The following AFG3L2 variants were observed in gnomAD, a reference collection of about 807,000 sequenced individuals.
AFG3L2 encodes AFG3 like matrix AAA peptidase subunit 2.
AFG3L2 carries 54 observed loss-of-function variants against 94.5 expected under a neutral mutation model. The observed-to-expected ratio is 0.57, with a 90% CI of 0.46 to 0.72. AFG3L2 has a LOEUF of 0.72. AFG3L2 is among the 30% of genes least tolerant of loss of function. The pLI is 0.00. For missense variants in AFG3L2, 754 were observed against 994.9 expected, an observed-to-expected ratio of 0.76 and a Z score of 3.26; for synonymous variants, 377 against 365.5, an observed-to-expected ratio of 1.03 and a Z score of -0.36.
At chr18:12,352,648 A>T (rs574024758) in intron 10 of AFG3L2, among the ~76,000 whole-genome samples, 4 of 152,362 alleles carry the variant, frequency 2.6e-5, no homozygotes, top group Middle Eastern at 6.8e-3. Flanking sequence ...CACCAGACAC[A>T]AACAGCATGT....
At chr18:12,370,205 C>T (rs72875309) in intron 3 of AFG3L2, among the ~76,000 whole-genome samples, 5,537 of 152,172 alleles carry the variant, frequency 0.036, 190 homozygotes, top group East Asian at 0.15. Context: ...AAACACTGCC[C>T]TAAACACAAT....
At position 12,340,459 on chromosome 18, in the gene AFG3L2, ATC is replaced by A; in HGVS notation, c.1780-60_1780-59del. ...CTACAGATGAAGACTTGATCAAAACATCTGTGTATAAACAGATAAACTCATTG... is the reference window on the plus strand; with the variant it reads ...CTACAGATGAAGACTTGATCAAAACATGTGTATAAACAGATAAACTCATTG... On this transcript the variant is annotated intron_variant, in intron 14 of 16. Coordinates refer to ENST00000269143, the MANE Select transcript of AFG3L2 (RefSeq NM_006796.3). The A allele has an allele frequency of 2.3e-6, 3 of 1,330,612 alleles. 1 individual carries two copies. The highest frequency in any genetic ancestry group is 2.4e-5 in the South Asian group (2 of 84,886). The allele number at this position is 1,330,612 out of a possible 1,614,324, so 82.4% of individuals were successfully genotyped here.
chr18:12,351,065 C>G lies in AFG3L2; in HGVS notation c.1552+20G>C. 1 of 1,612,138 alleles carries G rather than the reference C, an allele frequency of 6.2e-7. No individual in the cohort carries two copies. Among genetic ancestry groups the G allele is most frequent in the South Asian group, 1.1e-5 (1 of 90,958 alleles). On this transcript the variant is annotated intron_variant, in intron 12 of 16. Transcript: ENST00000269143. The stretch of plus-strand genomic sequence containing the variant: ...ATTTTAATATGCTTCTAAATAGGGT[C>G]CTCGTTATTTTCCACTCACCTGAAA...
chr18:12,339,848 CAAAAAAA>C (rs55881327), intron 15 of AFG3L2, among the ~76,000 whole-genome samples: 1 of 79,226 alleles, frequency 1.3e-5, no homozygotes, highest in African/African-American at 4.8e-5. Context: ...GGCTCAGTCT[CAAAAAAA>C]AAAAAAAAAA....
chr18:12,331,419 C>T (rs1190440824), intron 16 of AFG3L2, among the ~76,000 whole-genome samples: 1 of 152,222 alleles, frequency 6.6e-6, no homozygotes, highest in Non-Finnish European at 1.5e-5. Context: ...ACTTCTAATT[C>T]TGAGGGCTGC....
At chr18:12,353,198 A>G in intron 9 of AFG3L2, 40 bp from the exon 10 acceptor site, 2 of 1,610,044 alleles carry the variant, frequency 1.2e-6, no homozygotes, top group Non-Finnish European at 1.7e-6. Context: ...ACCAGAGAAT[A>G]TTATGTATTC....
intron 16 of AFG3L2, chr18:12,337,050 T>C (rs1907764706): frequency 8.5e-6 from 5 of 591,662 alleles, no homozygotes; most frequent in South Asian, 2.1e-5. Context: ...GTGAACTATC[T>C]GGTGAGGGAG....
intron 1 of AFG3L2, among the ~76,000 whole-genome samples, chr18:12,375,875 G>A (rs1402436698): frequency 4.6e-5 from 7 of 150,858 alleles, no homozygotes; most frequent in African/African-American, 1.7e-4. Flanking sequence ...TGTAGTCCCA[G>A]ATACTCCGGA....
rs765507936 is a variant in AFG3L2, at chr18:12,363,782, C to T, written c.627G>A (p.Gly209=). ...TFTPGKTPVD[G]QYVWFNIGSV... is the part of the protein sequence containing the mutation. ...CACATCAATTAATAAAATGATTTAC[C>T]CCATCAACAGGAGTTTTTCCTGGTG... Residue 209 remains glycine, a splice_region_variant and synonymous_variant, in exon 6 of 17, where the codon GGG becomes GGA. Coordinates refer to ENST00000269143, the MANE Select transcript of AFG3L2 (RefSeq NM_006796.3). 1.2e-6 allele frequency: 2 copies of T among 1,610,020 alleles called. No homozygotes were observed. The highest frequency in any genetic ancestry group is 8.5e-7 in the Non-Finnish European group (1 of 1,177,504).
At chr18:12,346,614 T>C (rs925391154) in intron 13 of AFG3L2, among the ~76,000 whole-genome samples, 1 of 152,044 alleles carries the variant, frequency 6.6e-6, no homozygotes, top group Non-Finnish European at 1.5e-5. Context: ...TAAAATACCA[T>C]CGATCATTAT....
At chr18:12,331,804 AATAAATATATATATATAT>A (rs1907534191) in intron 16 of AFG3L2, among the ~76,000 whole-genome samples, 2 of 72,910 alleles carry the variant, frequency 2.7e-5, no homozygotes. Context: ...AAAGTAAATA[AATAAATATATATATATAT>A]ATATATATAT....
intron 6 of AFG3L2, among the ~76,000 whole-genome samples, chr18:12,361,449 T>C (rs8098572): frequency 0.99 from 150,315 of 152,284 alleles, 74,210 homozygotes; most frequent in East Asian, 1. Flanking sequence ...GAGCTCAAGA[T>C]GAGCCTGGTC....
At chr18:12,368,232 A>G (rs1010504420) in intron 3 of AFG3L2, among the ~76,000 whole-genome samples, 1 of 150,872 alleles carries the variant, frequency 6.6e-6, no homozygotes, top group Non-Finnish European at 1.5e-5. Flanking sequence ...CGTAGTGTGC[A>G]CCTGTGGTCC....
rs1346272202 is a variant in AFG3L2 at position 12,370,849 on chromosome 18, C to G, written c.292G>C (p.Glu98Gln). ...EPKEVMGEKK[E>Q]SKPAATTRSS... The stretch of plus-strand genomic sequence containing the variant: ...CAAATATAATATTGTCAAAAGGTAC[C>G]TTTTTTCTCTCCCATAACTTCTTTA... Residue 98 changes from glutamate to glutamine, a missense_variant and splice_region_variant, in exon 3 of 17, where the codon GAA (glutamate) becomes CAA (glutamine). Around this residue, in one of 4 missense-constraint regions of AFG3L2, gnomAD observed 236 missense variants for 214.0 expected, o/e 1.10. Coordinates refer to ENST00000269143, the MANE Select transcript of AFG3L2 (RefSeq NM_006796.3). 1.9e-6 allele frequency: 3 copies of G among 1,571,502 alleles called. No individual in the cohort carries two copies. The highest frequency in any genetic ancestry group is 2.6e-6 in the Non-Finnish European group (3 of 1,144,146).
chr18:12,333,065 CTATTATATAACTATTATATAAT>C (rs1907614861), intron 16 of AFG3L2, among the ~76,000 whole-genome samples: 3 of 91,614 alleles, frequency 3.3e-5, no homozygotes, highest in African/African-American at 5.0e-5. Flanking sequence ...AGATTATAAT[CTATTATATAACTATTATATAAT>C]AGATTATAAT....
At chr18:12,351,519 A>C in intron 10 of AFG3L2, 106 bp from the exon 11 acceptor site, 4 of 940,988 alleles carry the variant, frequency 4.3e-6, no homozygotes, top group Non-Finnish European at 6.8e-6. Flanking sequence ...TACAGTAAAC[A>C]CATTTTCTAT....
chr18:12,361,475 C>T (rs1195483766), intron 6 of AFG3L2, among the ~76,000 whole-genome samples: 1 of 151,948 alleles, frequency 6.6e-6, no homozygotes, highest in Non-Finnish European at 1.5e-5. Flanking sequence ...GGTGAAACCC[C>T]GTCTCTACTA....
intron 14 of AFG3L2, chr18:12,341,232 C>T (rs1907944169): frequency 6.6e-6 from 1 of 152,186 alleles, no homozygotes; most frequent in Admixed American, 6.5e-5. Flanking sequence ...CTTTCCTTTC[C>T]AGTCCTCTTT....
chr18:12,351,956 G>A (rs939399340), intron 10 of AFG3L2, among the ~76,000 whole-genome samples: 4 of 152,138 alleles, frequency 2.6e-5, no homozygotes, highest in African/African-American at 9.7e-5. Context: ...ATTTCCTAAA[G>A]ACAAATGACC....
Sources: gnomAD v4.1 joint callset for allele counts (sites outside exome capture counted in the v4.1 genomes callset) on GRCh38, gnomAD v4.1.1 for gene constraint, gnomAD v4.1.1 regional missense constraint, MANE v1.5 for transcripts, NCBI Gene and HGNC (gene_info 2026-07-23, HGNC 2026-07-21) for gene names.